YEATS4: variants seen among roughly 807,000 people sequenced by gnomAD.
The protein encoded by YEATS4 is YEATS domain-containing protein 4.
Under a neutral mutation model 30.1 loss-of-function variants are expected in YEATS4, and 17 were observed. That is an observed-to-expected ratio of 0.56 (90% confidence interval 0.39 to 0.85). The LOEUF (loss-of-function observed/expected upper bound fraction) is 0.85. Among genes scored for constraint, YEATS4 ranks in the 40% least tolerant of loss-of-function variants. The pLI, the probability that YEATS4 is intolerant of heterozygous loss-of-function variation, is 0.00. For missense variants in YEATS4, 142 were observed against 268.3 expected (o/e 0.53, Z 3.29); for synonymous variants, 85 against 87.5 (o/e 0.97, Z 0.16).
chr12:69,360,464 C>T (rs544076477), intron 1 of YEATS4, among the ~76,000 whole-genome samples: 2 of 152,154 alleles, frequency 1.3e-5, no homozygotes, highest in Admixed American at 6.5e-5. Flanking sequence ...AACTGAGACA[C>T]CGAGGCATAC....
rs775113562 is a variant in YEATS4 at position 69,362,781 on chromosome 12, C to G, written c.52-7C>G. 5 of 1,590,588 alleles carry G rather than the reference C, an allele frequency of 3.1e-6. No homozygotes were observed. In the Admixed American group the frequency reaches 5.3e-5, roughly 17 times the overall value. On this transcript the variant is annotated splice_polypyrimidine_tract_variant and splice_region_variant and intron_variant, in intron 1 of 6. Transcript: ENST00000247843. ...ATTCATTTATTTTAAAATTATTTTTCTTTTAGGGTGTTACTATCGTTAAAC... is the reference window on the plus strand; with the variant it reads ...ATTCATTTATTTTAAAATTATTTTTGTTTTAGGGTGTTACTATCGTTAAAC...
chr12:69,401,555 T>C, the YEATS4 span, among the ~76,000 whole-genome samples: 1 of 152,214 alleles, frequency 6.6e-6, no homozygotes, highest in East Asian at 1.9e-4. Context: ...TGGAAGGACA[T>C]GCCCATGGCC....
downstream of YEATS4, among the ~76,000 whole-genome samples, chr12:69,391,796 A>C (rs12826219): frequency 0.057 from 8,688 of 152,212 alleles, 490 homozygotes; most frequent in East Asian, 0.28. Context: ...GGAAAATAAC[A>C]TGAGGGAAAA....
chr12:69,380,871 A>C (rs2121022931), intron 6 of YEATS4, among the ~76,000 whole-genome samples: 1 of 152,296 alleles, frequency 6.6e-6, no homozygotes, highest in Admixed American at 6.5e-5. Flanking sequence ...AAAACCAGCA[A>C]GTTTTTATTA....
chr12:69,383,671 G>A (rs1381913403), intron 6 of YEATS4, among the ~76,000 whole-genome samples: 1 of 152,200 alleles, frequency 6.6e-6, no homozygotes, highest in Non-Finnish European at 1.5e-5. Flanking sequence ...CCAGTAATTG[G>A]ATAGAGTAAG....
the YEATS4 span, among the ~76,000 whole-genome samples, chr12:69,417,909 A>G: frequency 3.1e-4 from 44 of 139,708 alleles, no homozygotes; most frequent in Admixed American, 2.1e-3. Context: ...AATGCCCCTT[A>G]AAAAAACTGC....
intron 6 of YEATS4, among the ~76,000 whole-genome samples, chr12:69,388,064 T>A (rs11177640): frequency 2.0e-4 from 3 of 14,684 alleles, no homozygotes; most frequent in African/African-American, 2.0e-3. Flanking sequence ...TTTATTTTTA[T>A]TTTTTTTTTT....
At chr12:69,362,013 GTTTTTTTTT>G (rs533225716) in intron 1 of YEATS4, among the ~76,000 whole-genome samples, 1 of 69,062 alleles carries the variant, frequency 1.4e-5, no homozygotes, top group East Asian at 4.2e-4. Context: ...GTGTTTGGTT[GTTTTTTTTT>G]TTTTTTTTTT....
chr12:69,404,010 A>G, the YEATS4 span, among the ~76,000 whole-genome samples: 2 of 150,066 alleles, frequency 1.3e-5, no homozygotes, highest in Admixed American at 1.3e-4. Flanking sequence ...TCCTCTGTTC[A>G]TTCTGTAAAT....
chr12:69,368,869 T>C (rs1945297739), intron 4 of YEATS4, among the ~76,000 whole-genome samples: 1 of 152,226 alleles, frequency 6.6e-6, no homozygotes, highest in South Asian at 2.1e-4. Context: ...TGGTCCACCC[T>C]AATGACTTCA....
At chr12:69,417,154 A>T in the YEATS4 span, among the ~76,000 whole-genome samples, 2,662 of 68,118 alleles carry the variant, frequency 0.039, 133 homozygotes, top group African/African-American at 0.084. Flanking sequence ...TTTTTTAAAA[A>T]TTTTTTTTTT....
intron 6 of YEATS4, among the ~76,000 whole-genome samples, chr12:69,384,341 A>G (rs1035786237): frequency 1.3e-5 from 2 of 152,240 alleles, no homozygotes; most frequent in East Asian, 1.9e-4. Context: ...GTAGTTATAA[A>G]TAATATGTTT....
chr12:69,363,666 A>G (rs1455962740), intron 2 of YEATS4, among the ~76,000 whole-genome samples: 1 of 152,222 alleles, frequency 6.6e-6, no homozygotes, highest in South Asian at 2.1e-4. Flanking sequence ...TAGCCAGTAC[A>G]TAGTAGGCAT....
In YEATS4 at chr12:69,390,183, A is replaced by T; in HGVS notation, c.551A>T (p.Glu184Val). 6.3e-7 allele frequency: 1 copy of T among 1,592,178 alleles called. No individual in the cohort carries two copies. The highest frequency in any genetic ancestry group is 8.5e-7 in the Non-Finnish European group (1 of 1,174,844). Residue 184 changes from glutamate (E) to valine (V), a missense_variant, in exon 7 of 7, where the codon GAA becomes GTA. Transcript: ENST00000247843. ...GAAGTGAAAACCAGAGAAAAATTAG[A>T]AGCTGCTAAGAAAAAAACAAGCTTT... ...ELEVKTREKL[E>V]AAKKKTSFEI...
chr12:69,407,294 T>G, the YEATS4 span, among the ~76,000 whole-genome samples: 1 of 152,258 alleles, frequency 6.6e-6, no homozygotes, highest in East Asian at 1.9e-4. Context: ...TTCTCTAAGC[T>G]TCCATTTCCT....
At chr12:69,374,867 A>G (rs1875784006) in intron 6 of YEATS4, among the ~76,000 whole-genome samples, 1 of 152,102 alleles carries the variant, frequency 6.6e-6, no homozygotes, top group African/African-American at 2.4e-5. Flanking sequence ...CATCGTCATC[A>G]TGGCCCGTTC....
chr12:69,394,980 A>G (rs988980248), downstream of YEATS4, among the ~76,000 whole-genome samples: 1 of 152,198 alleles, frequency 6.6e-6, no homozygotes, highest in Non-Finnish European at 1.5e-5. Flanking sequence ...ATTTAAAAAA[A>G]GCAAAGCAAA....
the YEATS4 span, among the ~76,000 whole-genome samples, chr12:69,416,940 GTGGGTGC>G: frequency 3.3e-5 from 5 of 151,678 alleles, no homozygotes; most frequent in Non-Finnish European, 7.4e-5. Flanking sequence ...GGGCATGGTG[GTGGGTGC>G]CTGTAATCCC....
chr12:69,375,699 G>C (rs571539025), intron 6 of YEATS4, among the ~76,000 whole-genome samples: 2 of 152,272 alleles, frequency 1.3e-5, no homozygotes, highest in Admixed American at 1.3e-4. Flanking sequence ...TCAGGAGCTG[G>C]AGACCAGCCC....
Sources: gnomAD v4.1 joint callset for allele counts (sites outside exome capture counted in the v4.1 genomes callset) on GRCh38, gnomAD v4.1.1 for gene constraint, MANE v1.5 for transcripts, NCBI Gene and HGNC (gene_info 2026-07-23, HGNC 2026-07-21) for gene names.